PDPN: variants seen among roughly 807,000 people sequenced by gnomAD.
PDPN encodes the protein podoplanin.
In PDPN, 12 loss-of-function variants were observed where a neutral mutation model predicts 23.2. That is an observed-to-expected ratio of 0.52 (90% CI 0.33 to 0.84). The LOEUF is 0.84. PDPN is among the 40% of genes least tolerant of loss of function. The pLI is 0.02. For missense variants in PDPN, 199 were observed against 212.2 expected (o/e 0.94, Z 0.39); for synonymous variants, 77 against 76.7 (o/e 1.00, Z -0.02).
intron 4 of PDPN, among the ~76,000 whole-genome samples, chr1:13,614,082 C>T (rs1000938649): frequency 1.1e-4 from 16 of 152,056 alleles, no homozygotes; most frequent in Non-Finnish European, 1.9e-4. Context: ...GTGAATGTTA[C>T]GTTGATAGAT....
chr1:13,591,380 C>T (rs1640339877), intron 1 of PDPN, among the ~76,000 whole-genome samples: 1 of 152,094 alleles, frequency 6.6e-6, no homozygotes, highest in African/African-American at 2.4e-5. Context: ...TAAAATTAAC[C>T]CATTTAAAGC....
At chr1:13,615,679 A>G (rs754368513) in intron 5 of PDPN, among the ~76,000 whole-genome samples, 1 of 152,180 alleles carries the variant, frequency 6.6e-6, no homozygotes, top group African/African-American at 2.4e-5. Flanking sequence ...TGAGGGATAC[A>G]GGGGACAACA....
intron 1 of PDPN, among the ~76,000 whole-genome samples, chr1:13,606,300 A>G (rs1640788557): frequency 6.6e-6 from 1 of 152,092 alleles, no homozygotes; most frequent in South Asian, 2.1e-4. Flanking sequence ...CACTGCACCC[A>G]GCTAGTTTGG....
chr1:13,599,096 C>T (rs1429135467), intron 1 of PDPN, among the ~76,000 whole-genome samples: 8 of 150,758 alleles, frequency 5.3e-5, no homozygotes, highest in Non-Finnish European at 1.2e-4. Context: ...CTGCAACCTC[C>T]GCCTCCAGGG....
intron 1 of PDPN, among the ~76,000 whole-genome samples, chr1:13,604,506 C>T (rs1180521138): frequency 1.3e-5 from 2 of 152,098 alleles, no homozygotes; most frequent in Non-Finnish European, 2.9e-5. Context: ...CTCTGTGGGC[C>T]AAGGGTAGAA....
chr1:13,615,380 G>C (rs1641045263), intron 5 of PDPN, among the ~76,000 whole-genome samples: 1 of 151,534 alleles, frequency 6.6e-6, no homozygotes, highest in Non-Finnish European at 1.5e-5. Context: ...CTGACTCCCA[G>C]GTTCAAGCGA....
chr1:13,595,759 G>A, intron 1 of PDPN: 1 of 708,242 alleles, frequency 1.4e-6, no homozygotes, highest in Non-Finnish European at 2.2e-6. Flanking sequence ...AAATTGAACG[G>A]CAGGGCAGCC....
At chr1:13,588,004 TTGAAG>T (rs1466795030) in intron 1 of PDPN, among the ~76,000 whole-genome samples, 1 of 152,136 alleles carries the variant, frequency 6.6e-6, no homozygotes, top group Admixed American at 6.5e-5. Context: ...GATTTGTCCT[TTGAAG>T]TGAATCAAGC....
intron 1 of PDPN, among the ~76,000 whole-genome samples, chr1:13,598,093 G>A (rs1640545079): frequency 6.6e-6 from 1 of 151,800 alleles, no homozygotes; most frequent in East Asian, 1.9e-4. Flanking sequence ...TCGGCTCACT[G>A]CAACTTCTAC....
intron 1 of PDPN, 124 bp downstream of exon 1, chr1:13,584,224 T>C: frequency 6.6e-7 from 1 of 1,523,476 alleles, no homozygotes; most frequent in Non-Finnish European, 8.8e-7. Context: ...TGAGGGTGTG[T>C]GCGTGTCAGG....
chr1:13,607,253 G>A lies in PDPN; in HGVS notation c.148G>A (p.Val50Met), dbSNP rs371932967. Residue 50 changes from valine (V) to methionine (M), a missense_variant, in exon 2 of 6, where the codon GTG (valine) becomes ATG (methionine). Coordinates refer to ENST00000621990, the MANE Select transcript of PDPN (RefSeq NM_006474.5). ...TGCCATGCCAGGTGCCGAAGATGAT[G>A]TGGTGACTCCAGGAACCAGCGAAGA... Reference protein sequence around the residue: ...GVAMPGAEDDVVTPGTSEDRY... With the variant: ...GVAMPGAEDDMVTPGTSEDRY... 2.5e-6 allele frequency: 4 copies of A among 1,614,190 alleles called. No homozygotes were observed. Among genetic ancestry groups the A allele is most frequent in the Admixed American group, 1.7e-5 (1 of 60,022 alleles).
chr1:13,608,783 T>C (rs192435910), intron 2 of PDPN, among the ~76,000 whole-genome samples: 21 of 152,340 alleles, frequency 1.4e-4, no homozygotes, highest in African/African-American at 5.1e-4. Flanking sequence ...AGTTTGTCCC[T>C]ACTACTGTGT....
rs942496727 is a variant in PDPN, at chr1:13,612,897, G to T, written c.332-790G>T. ...GATTGATGATTAACTTCTAAATCAA[G>T]GCATCTTGACTTTTTCTCTATCTGC... On this transcript the variant is annotated intron_variant, in intron 3 of 5. Coordinates refer to ENST00000621990, the MANE Select transcript of PDPN (RefSeq NM_006474.5). 6.3e-4 allele frequency among the ~76,000 whole-genome samples: 19 copies of T among 30,346 alleles called. 1 individual carries two copies. The highest frequency in any genetic ancestry group is 1.3e-3 in the Non-Finnish European group (19 of 14,598). 19.9% of individuals were successfully genotyped at this position (30,346 alleles called of 152,430 possible).
At chr1:13,592,543 A>ATTTTTTT (rs34176163) in intron 1 of PDPN, among the ~76,000 whole-genome samples, 1 of 105,080 alleles carries the variant, frequency 9.5e-6, no homozygotes, top group Non-Finnish European at 1.9e-5. Context: ...TGAAAAGATG[A>ATTTTTTT]TTTTTTTTTT....
intron 4 of PDPN, among the ~76,000 whole-genome samples, chr1:13,614,081 ACG>A (rs1488013211): frequency 6.6e-6 from 1 of 152,186 alleles, no homozygotes; most frequent in Admixed American, 6.5e-5. Context: ...TGTGAATGTT[ACG>A]TTGATAGATC....
intron 1 of PDPN, among the ~76,000 whole-genome samples, chr1:13,593,155 A>G (rs1640396195): frequency 6.6e-6 from 1 of 152,232 alleles, no homozygotes; most frequent in African/African-American, 2.4e-5. Flanking sequence ...AACATTTGGC[A>G]GGAAGAAGAG....
intron 5 of PDPN, among the ~76,000 whole-genome samples, chr1:13,615,579 C>G (rs1014960508): frequency 6.6e-6 from 1 of 152,030 alleles, no homozygotes; most frequent in African/African-American, 2.4e-5. Context: ...AGCCACCGCA[C>G]CCAGCCAAAA....
chr1:13,608,423 A>G (rs1160917309), intron 2 of PDPN, among the ~76,000 whole-genome samples: 1 of 152,186 alleles, frequency 6.6e-6, no homozygotes, highest in African/African-American at 2.4e-5. Context: ...GTACACCAGC[A>G]TCTCCTTAAC....
At chr1:13,594,441 T>C (rs1396974025) in intron 1 of PDPN, among the ~76,000 whole-genome samples, 59 of 152,218 alleles carry the variant, frequency 3.9e-4, no homozygotes, top group Non-Finnish European at 1.5e-5. Context: ...GAAGCCACCA[T>C]CTAGGGCAGC....
Sources: allele counts gnomAD v4.1 joint callset (sites outside exome capture counted in the v4.1 genomes callset), GRCh38; gene constraint gnomAD v4.1.1; transcripts MANE v1.5; gene names NCBI Gene and HGNC (gene_info 2026-07-23, HGNC 2026-07-21).